Variants in SEMA3F observed in about 807,000 individuals in gnomAD.
SEMA3F encodes the protein semaphorin 3F.
A neutral mutation model predicts 98.5 loss-of-function variants in SEMA3F; 30 were observed. The observed-to-expected ratio is 0.30, with a 90% CI of 0.23 to 0.41. The LOEUF (loss-of-function observed/expected upper bound fraction) is 0.41, where lower values mean the gene tolerates loss of function less well. SEMA3F is among the 10% of genes least tolerant of loss of function. SEMA3F has a pLI of 1.00. For missense variants in SEMA3F, 866 were observed against 1,119.3 expected, an observed-to-expected ratio of 0.77 and a Z score of 3.23; for synonymous variants, 380 against 444.8, an observed-to-expected ratio of 0.85 and a Z score of 1.83.
Position 50,155,584 on chromosome 3 carries a change from G to A in SEMA3F, c.-49+20G>A. On this transcript the variant is annotated intron_variant, in intron 1 of 18. Coordinates refer to ENST00000002829, the MANE Select transcript of SEMA3F (RefSeq NM_004186.5). The surrounding 1 kb of genome is among the most constrained non-coding windows in gnomAD (Gnocchi z 4.9). Reference sequence around the variant, plus strand: ...GAAGAGGTGAGTGCAGCGGGAACCGGGAGGGAGCGGGCAGGCGGCCGGGCC... The same window carrying A: ...GAAGAGGTGAGTGCAGCGGGAACCGAGAGGGAGCGGGCAGGCGGCCGGGCC... 3.3e-6 allele frequency: 1 copy of A among 299,510 alleles called. No homozygotes were observed. Among genetic ancestry groups the A allele is most frequent in the Non-Finnish European group, 6.2e-6 (1 of 162,116 alleles). 18.6% of individuals were successfully genotyped at this position (299,510 alleles called of 1,614,324 possible). A position where few individuals can be genotyped will look rare whatever the true frequency, so the allele number is the denominator to read the frequency against.
At chr3:50,159,270 A>G (rs912335895) in intron 1 of SEMA3F, 3 of 220,144 alleles carry the variant, frequency 1.4e-5, no homozygotes, top group Non-Finnish European at 2.6e-5. Context: ...GGAGCTGGAA[A>G]GAGCCCTAAG....
At chr3:50,185,027 G>A (rs1223687424) in intron 13 of SEMA3F, among the ~76,000 whole-genome samples, 1 of 152,198 alleles carries the variant, frequency 6.6e-6, no homozygotes, top group African/African-American at 2.4e-5. Flanking sequence ...AGGGGCCCAG[G>A]AGAACAGGGA....
rs1397406649 is a variant in SEMA3F, at chr3:50,175,182, A to G, written c.543A>G (p.Pro181=). Residue 181 remains proline (P), a synonymous_variant, in exon 6 of 19, where the codon CCA becomes CCG. Coordinates refer to ENST00000002829, the MANE Select transcript of SEMA3F (RefSeq NM_004186.5). Reference sequence around the variant, plus strand: ...CCCTCCGCCCGATGCCCACAGCCCCACGCCAGGTGGGCCTCATCCCTCCAG... The same window carrying G: ...CCCTCCGCCCGATGCCCACAGCCCCGCGCCAGGTGGGCCTCATCCCTCCAG... ...DGALRPMPTA[P]RQDYIFYLEP... is the part of the protein sequence containing the mutation. The G allele has an allele frequency of 1.3e-6, 2 of 1,591,482 alleles. No homozygotes were observed. The highest frequency in any genetic ancestry group is 1.7e-6 in the Non-Finnish European group (2 of 1,167,584).
intron 6 of SEMA3F, among the ~76,000 whole-genome samples, chr3:50,176,144 C>T (rs1159904176): frequency 2.0e-5 from 3 of 152,144 alleles, no homozygotes; most frequent in African/African-American, 7.2e-5. Flanking sequence ...GGGCTGGACT[C>T]CTTGACTCCT....
chr3:50,159,012 T>A (rs184337617), intron 1 of SEMA3F: 1 of 152,696 alleles, frequency 6.5e-6, no homozygotes, highest in East Asian at 1.9e-4. Flanking sequence ...TCTCTGCCTT[T>A]CCTTTTCTGA....
At position 50,163,142 on chromosome 3, in the gene SEMA3F, A is replaced by G. The variant is rs9835838; in HGVS notation, c.112+3408A>G. On this transcript the variant is annotated intron_variant, in intron 2 of 18. Coordinates refer to ENST00000002829, the MANE Select transcript of SEMA3F (RefSeq NM_004186.5). ...GGTGCTGGAGGCACAGACCCTTCAC[A>G]TGAGCTAGGAACAAGGAAGATTCCA... 2.6e-3 allele frequency among the ~76,000 whole-genome samples: 390 copies of G among 152,286 alleles called. 1 individual carries two copies. The highest frequency in any genetic ancestry group is 9.1e-3 in the African/African-American group (378 of 41,564).
chr3:50,159,428 G>A (rs917047146), intron 1 of SEMA3F, 147 bp from the exon 2 acceptor site: 6 of 531,144 alleles, frequency 1.1e-5, no homozygotes, highest in Admixed American at 3.9e-5. Context: ...GCCAAAGAAC[G>A]CACATGAGGT....
At chr3:50,167,993 C>T (rs967803918) in intron 2 of SEMA3F, among the ~76,000 whole-genome samples, 2 of 152,214 alleles carry the variant, frequency 1.3e-5, no homozygotes, top group Non-Finnish European at 2.9e-5. Context: ...TGAATAAAAA[C>T]ACGCGGAGTC....
Position 50,174,035 on chromosome 3 carries a change from G to A in SEMA3F, c.274-17G>A. The A allele has an allele frequency of 6.2e-7, 1 of 1,614,076 alleles. No homozygotes were observed. Among genetic ancestry groups the A allele is most frequent in the Non-Finnish European group, 8.5e-7 (1 of 1,180,024 alleles). On this transcript the variant is annotated splice_polypyrimidine_tract_variant and intron_variant, in intron 3 of 18. Coordinates refer to ENST00000002829, the MANE Select transcript of SEMA3F (RefSeq NM_004186.5). ...GCATGTCCAGAAGGCTGCACCTTCTGACCCCCCTCTCTGCAGATACACTGG... is the reference window on the plus strand; with the variant it reads ...GCATGTCCAGAAGGCTGCACCTTCTAACCCCCCTCTCTGCAGATACACTGG...
chr3:50,185,563 C>T, intron 14 of SEMA3F, 32 bp downstream of exon 14: 1 of 1,611,874 alleles, frequency 6.2e-7, no homozygotes, highest in Admixed American at 1.7e-5. Context: ...CCTGACCTCC[C>T]CACCTTTACC....
chr3:50,186,592 T>TCAA (rs759080745), intron 17 of SEMA3F, 21 bp from the exon 18 acceptor site: 1 of 1,577,988 alleles, frequency 6.3e-7, no homozygotes, highest in South Asian at 1.1e-5. Flanking sequence ...CTGCTTTTGC[T>TCAA]CAACCCCTCT....
intron 1 of SEMA3F, among the ~76,000 whole-genome samples, chr3:50,157,959 C>G (rs1291127274): frequency 2.0e-5 from 3 of 152,236 alleles, no homozygotes; most frequent in African/African-American, 7.2e-5. Flanking sequence ...GACAGTATCT[C>G]CCAGCTCCCC....
intron 2 of SEMA3F, among the ~76,000 whole-genome samples, chr3:50,165,612 A>G (rs1026836835): frequency 2.6e-5 from 4 of 152,206 alleles, no homozygotes; most frequent in Admixed American, 2.6e-4. Context: ...TGGGAATCTG[A>G]GCCCCGCCTC....
chr3:50,167,551 A>AGCCCCCT (rs552462406), intron 2 of SEMA3F, among the ~76,000 whole-genome samples: 1 of 24,650 alleles, frequency 4.1e-5, no homozygotes, highest in Admixed American at 3.9e-4. Flanking sequence ...TGCTGGCCCC[A>AGCCCCCT]GCCCCCTGCC....
chr3:50,159,727 A>G lies in SEMA3F; in HGVS notation c.105A>G (p.Ser35=), dbSNP rs1468257693. 1 of 1,604,504 alleles carries G rather than the reference A, an allele frequency of 6.2e-7. No individual in the cohort carries two copies. The highest frequency in any genetic ancestry group is 8.5e-7 in the Non-Finnish European group (1 of 1,172,368). ...CGGCCACGCCCCGGGTCCGGCTCTC[A>G]TTCAAAGGTAAGAAGCTGTTTTGTT... The part of the protein sequence containing the change: ...HLPATPRVRL[S]FKELKATGTA... Residue 35 remains serine (S), a synonymous_variant, in exon 2 of 19, where the codon TCA becomes TCG. Transcript: ENST00000002829.
rs757110934 is a variant in SEMA3F, at chr3:50,186,681, C to A, written c.1882C>A (p.Pro628Thr). The part of the protein sequence containing the change: ...AGSAAFLECQ[P>T]RSPQATVKWL... ...CAGCGCAGCCTTCCTTGAGTGCCAGCCCCGCTCGCCCCAAGCCACTGTTAA... is the reference window on the plus strand; with the variant it reads ...CAGCGCAGCCTTCCTTGAGTGCCAGACCCGCTCGCCCCAAGCCACTGTTAA... Residue 628 changes from proline (P) to threonine (T), a missense_variant, in exon 18 of 19, where the codon CCC (proline) becomes ACC (threonine). Transcript: ENST00000002829. 6.2e-7 allele frequency: 1 copy of A among 1,610,554 alleles called. No homozygotes were observed. Among genetic ancestry groups the A allele is most frequent in the South Asian group, 1.1e-5 (1 of 90,956 alleles).
chr3:50,186,603 C>A lies in SEMA3F; in HGVS notation c.1814-10C>A, dbSNP rs965785619. On this transcript the variant is annotated splice_polypyrimidine_tract_variant and intron_variant, in intron 17 of 18. Coordinates refer to ENST00000002829, the MANE Select transcript of SEMA3F (RefSeq NM_004186.5). ...GATGCTGCTTTTGCTCAACCCCTCT[C>A]ACTCTAAAGCCAACAAGAATGCCGT... 1.3e-6 allele frequency: 2 copies of A among 1,583,448 alleles called. No individual in the cohort carries two copies. Among genetic ancestry groups the A allele is most frequent in the Non-Finnish European group, 1.7e-6 (2 of 1,157,842 alleles).
intron 2 of SEMA3F, among the ~76,000 whole-genome samples, chr3:50,164,084 C>G (rs1038787677): frequency 6.6e-6 from 1 of 152,184 alleles, no homozygotes; most frequent in African/African-American, 2.4e-5. Context: ...TGCTGGAGAA[C>G]CTGCCTGACG....
rs770593817 is a variant in SEMA3F at position 50,187,719 on chromosome 3, C to A, written c.1962C>A (p.Asp654Glu). The A allele has an allele frequency of 6.3e-7, 1 of 1,594,736 alleles. No individual in the cohort carries two copies. The highest frequency in any genetic ancestry group is 8.6e-7 in the Non-Finnish European group (1 of 1,166,418). The change falls in exon 19 of 19, where the codon GAC becomes GAA. Residue 654 changes from aspartate (D) to glutamate (E), a missense_variant. Physicochemically the swap from Asp to Glu is conservative, Grantham distance 45 (BLOSUM62 2). Transcript: ENST00000002829. ...TGCCCCTGCAGATTCGTGCAGAGGA[C>A]CGCTTCCTGCGCACAGAGCAGGGCT... Reference protein sequence around the residue: ...GDRRREIRAEDRFLRTEQGLL... With the variant: ...GDRRREIRAEERFLRTEQGLL...
Sources: gnomAD v4.1 joint callset for allele counts (sites outside exome capture counted in the v4.1 genomes callset) on GRCh38, gnomAD v4.1.1 for gene constraint, Gnocchi (gnomAD v3.1) non-coding constraint, MANE v1.5 for transcripts, NCBI Gene and HGNC (gene_info 2026-07-23, HGNC 2026-07-21) for gene names.